The following VPS13B variants were observed in gnomAD, a reference collection of about 807,000 sequenced individuals.
The protein encoded by VPS13B is intermembrane lipid transfer protein VPS13B.
In VPS13B, 285 loss-of-function variants were observed where a neutral mutation model predicts 426.4. That is an observed-to-expected ratio of 0.67 (90% CI 0.61 to 0.74). The LOEUF (loss-of-function observed/expected upper bound fraction) is 0.74, where lower values mean the gene tolerates loss of function less well. Among genes scored for constraint, VPS13B ranks in the 30% least tolerant of loss-of-function variants. VPS13B has a pLI of 0.00. For synonymous variants in VPS13B, 1,676 were observed against 1,676.4 expected (o/e 1.00, Z 0.01); for missense variants, 4,537 against 4,782.6 (o/e 0.95, Z 1.51).
At chr8:99,024,453 A>T (rs1842043430) in intron 2 of VPS13B, among the ~76,000 whole-genome samples, 1 of 152,328 alleles carries the variant, frequency 6.6e-6, no homozygotes, top group Non-Finnish European at 1.5e-5. Context: ...TTAAGTCTTT[A>T]GTCCATCTTG....
intron 21 of VPS13B, among the ~76,000 whole-genome samples, chr8:99,403,530 CAG>C (rs1815160249): frequency 7.2e-6 from 1 of 138,924 alleles, no homozygotes. Flanking sequence ...ACCTGGGTGA[CAG>C]AGCAAGACTC....
chr8:99,491,676 A>C (rs1235546903), intron 25 of VPS13B, among the ~76,000 whole-genome samples: 1 of 152,150 alleles, frequency 6.6e-6, no homozygotes. Context: ...TTGTGCATGC[A>C]TCACGTAGTT....
At position 99,591,900 on chromosome 8, in the gene VPS13B, C is replaced by G. The variant is rs566712671; in HGVS notation, c.5220+14267C>G. On this transcript the variant is annotated intron_variant, in intron 33 of 61. Transcript: ENST00000357162. ...TTTCCTGAATTTGAATGTTGGCCTG[C>G]CTTGCTAGGTTGGGGAAGTTCTCCT... Among the ~76,000 whole-genome samples the G allele has an allele frequency of 3.3e-5, 5 of 152,124 alleles. No individual in the cohort carries two copies. In the South Asian group the frequency reaches 1.0e-3, roughly 32 times the overall value.
In VPS13B at chr8:99,868,410, G is replaced by T; in HGVS notation, c.11337G>T (p.Gly3779=). The T allele has an allele frequency of 6.2e-7, 1 of 1,614,094 alleles. No individual in the cohort carries two copies. Among genetic ancestry groups the T allele is most frequent in the South Asian group, 1.1e-5 (1 of 91,056 alleles). The part of the protein sequence containing the change: ...VISGVGKGIM[G]VFTKPIGGAA... ...CGGGTGTGGGGAAAGGAATCATGGG[G>T]GTGTTCACAAAGCCCATCGGAGGAG... is the stretch of plus-strand genomic sequence containing the variant. Residue 3779 remains glycine, a synonymous_variant, in exon 59 of 62, where the codon GGG becomes GGT. Coordinates refer to ENST00000357162, the MANE Select transcript of VPS13B (RefSeq NM_152564.5).
At chr8:99,450,569 C>T (rs183822733) in intron 23 of VPS13B, among the ~76,000 whole-genome samples, 4 of 152,116 alleles carry the variant, frequency 2.6e-5, no homozygotes, top group East Asian at 1.9e-4. Flanking sequence ...AAAAATTAGC[C>T]GGGCATGGTG....
rs1321040370 is a variant in VPS13B, at chr8:99,699,564, A to C, written c.6086A>C (p.Asn2029Thr). ...GATATATCAAAGCCTTTGAAAGCAA[A>C]CCTGAGTTTCACCAAACTGGATCAG... Reference protein sequence around the residue: ...NLDISKPLKANLSFTKLDQIN... With the variant: ...NLDISKPLKATLSFTKLDQIN... The change falls in exon 36 of 62, where the codon AAC (asparagine) becomes ACC (threonine). Residue 2029 changes from asparagine to threonine, a missense_variant. Asn to Thr is a moderately conservative substitution (Grantham distance 65). Around this residue, in one of 2 missense-constraint regions of VPS13B, gnomAD observed 4,311 missense variants for 4,474.3 expected, o/e 0.96. Transcript: ENST00000357162. The C allele has an allele frequency of 1.2e-6, 2 of 1,613,892 alleles. No individual in the cohort carries two copies. The highest frequency in any genetic ancestry group is 1.7e-6 in the Non-Finnish European group (2 of 1,180,014).
intron 35 of VPS13B, among the ~76,000 whole-genome samples, chr8:99,670,302 G>A (rs1830659802): frequency 6.6e-6 from 1 of 151,954 alleles, no homozygotes; most frequent in African/African-American, 2.4e-5. Flanking sequence ...TTTTTCAATT[G>A]CAAATTTCAA....
chr8:99,843,254 C>G (rs1340508191), intron 54 of VPS13B, among the ~76,000 whole-genome samples: 2 of 152,088 alleles, frequency 1.3e-5, no homozygotes, highest in Admixed American at 6.6e-5. Flanking sequence ...TCACCTAGAG[C>G]CTTCCATGCC....
chr8:99,106,201 G>T (rs576647266), intron 5 of VPS13B, among the ~76,000 whole-genome samples: 16 of 151,940 alleles, frequency 1.1e-4, no homozygotes, highest in Admixed American at 3.9e-4. Context: ...GGAGGCTGAG[G>T]CGGGCGGATC....
At chr8:99,783,852 G>C (rs974420956) in intron 42 of VPS13B, among the ~76,000 whole-genome samples, 7 of 152,132 alleles carry the variant, frequency 4.6e-5, no homozygotes, top group African/African-American at 9.7e-5. Flanking sequence ...GGGATCTGGG[G>C]ATGTTTTACC....
chr8:99,488,109 T>C (rs1820404231), intron 25 of VPS13B, among the ~76,000 whole-genome samples: 1 of 152,118 alleles, frequency 6.6e-6, no homozygotes. Flanking sequence ...AGAAAGTAAA[T>C]TGAAGTATTT....
chr8:99,083,581 T>G (rs1382847330), intron 3 of VPS13B, among the ~76,000 whole-genome samples: 1 of 143,624 alleles, frequency 7.0e-6, no homozygotes, highest in Non-Finnish European at 1.5e-5. Flanking sequence ...CAATATGATG[T>G]TGGCTGTGGG....
intron 17 of VPS13B, chr8:99,232,925 G>C (rs1419940089): frequency 1.0e-5 from 6 of 587,168 alleles, no homozygotes; most frequent in Non-Finnish European, 1.8e-5. Flanking sequence ...CGCCTCCGCA[G>C]ACTTCTCATT....
intron 25 of VPS13B, among the ~76,000 whole-genome samples, chr8:99,482,638 G>A (rs571955324): frequency 6.6e-6 from 1 of 151,964 alleles, no homozygotes; most frequent in African/African-American, 2.4e-5. Context: ...ACAAACTCTT[G>A]GTAAAGTTTC....
chr8:99,293,711 C>T (rs1398846960), intron 19 of VPS13B, among the ~76,000 whole-genome samples: 1 of 152,048 alleles, frequency 6.6e-6, no homozygotes, highest in Non-Finnish European at 1.5e-5. Context: ...AAACAAACAA[C>T]CCCATCAAAA....
intron 15 of VPS13B, among the ~76,000 whole-genome samples, chr8:99,164,455 T>G (rs1811874410): frequency 6.6e-6 from 1 of 152,200 alleles, no homozygotes; most frequent in African/African-American, 2.4e-5. Context: ...AGAGTCCTCC[T>G]TTCTCAGCAG....
At chr8:99,120,688 A>G (rs1452538087) in intron 7 of VPS13B, 1 of 152,638 alleles carries the variant, frequency 6.6e-6, no homozygotes, top group Admixed American at 6.5e-5. Flanking sequence ...TTGTTTGGGC[A>G]GGGGAGCATT....
intron 18 of VPS13B, 150 bp downstream of exon 18, chr8:99,274,482 G>A: frequency 1.6e-6 from 2 of 1,273,366 alleles, no homozygotes; most frequent in Admixed American, 4.1e-5. Context: ...TTCTAATTGT[G>A]CCAGGATGGT....
At chr8:99,744,047 A>C (rs544671721) in intron 39 of VPS13B, among the ~76,000 whole-genome samples, 20 of 152,318 alleles carry the variant, frequency 1.3e-4, no homozygotes, top group Non-Finnish European at 2.5e-4. Context: ...CAACCTACAA[A>C]ATGGGAGACA....
Sources: gnomAD v4.1 joint callset for allele counts (sites outside exome capture counted in the v4.1 genomes callset) on GRCh38, gnomAD v4.1.1 for gene constraint, gnomAD v4.1.1 regional missense constraint, MANE v1.5 for transcripts, NCBI Gene and HGNC (gene_info 2026-07-23, HGNC 2026-07-21) for gene names.